TBC1D22B: variants seen among roughly 807,000 people sequenced by gnomAD.
The protein encoded by TBC1D22B is chromosome 6 open reading frame 197.
TBC1D22B carries 32 observed loss-of-function variants against 69.1 expected under a neutral mutation model. That is an observed-to-expected ratio of 0.46 (90% CI 0.35 to 0.62). The LOEUF (loss-of-function observed/expected upper bound fraction) is 0.62, where lower values mean the gene tolerates loss of function less well. TBC1D22B is among the 20% of genes least tolerant of loss of function. The probability of loss-of-function intolerance (pLI) is 0.00; values close to 1 mark genes in which losing one functional copy is unlikely to be tolerated. For synonymous variants in TBC1D22B, 206 were observed against 229.8 expected (o/e 0.90, Z 0.94); for missense variants, 462 against 630.9 (o/e 0.73, Z 2.87).
intron 8 of TBC1D22B, among the ~76,000 whole-genome samples, chr6:37,302,884 G>C (rs1282321090): frequency 1.3e-5 from 2 of 152,230 alleles, no homozygotes; most frequent in Admixed American, 6.5e-5. Context: ...AGAGGTGAGT[G>C]ATCTGGGGCT....
chr6:37,311,622 G>A (rs568484029), intron 8 of TBC1D22B, among the ~76,000 whole-genome samples: 16 of 152,080 alleles, frequency 1.1e-4, no homozygotes, highest in Admixed American at 3.9e-4. Flanking sequence ...GCAGTGAGCC[G>A]AGATCGTGCC....
At chr6:37,293,845 T>C in intron 8 of TBC1D22B, among the ~76,000 whole-genome samples, 1 of 152,210 alleles carries the variant, frequency 6.6e-6, no homozygotes. Flanking sequence ...CAAAATAGCC[T>C]TATTGCTGAT....
chr6:37,322,952 A>G (rs1190040741), intron 12 of TBC1D22B, among the ~76,000 whole-genome samples: 1 of 152,228 alleles, frequency 6.6e-6, no homozygotes, highest in Non-Finnish European at 1.5e-5. Context: ...TGTACAGAAT[A>G]AAGCAACCCA....
chr6:37,309,126 A>T (rs1767826005), intron 8 of TBC1D22B, among the ~76,000 whole-genome samples: 1 of 152,344 alleles, frequency 6.6e-6, no homozygotes, highest in South Asian at 2.1e-4. Flanking sequence ...ATCCTATGAC[A>T]CTAGTACTGA....
intron 3 of TBC1D22B, among the ~76,000 whole-genome samples, chr6:37,279,963 T>C (rs545795603): frequency 1.3e-5 from 2 of 152,376 alleles, no homozygotes; most frequent in Admixed American, 6.5e-5. Flanking sequence ...GTAACTGATG[T>C]ATTTAAAGCT....
intron 2 of TBC1D22B, among the ~76,000 whole-genome samples, chr6:37,277,046 G>A (rs1436488171): frequency 6.6e-6 from 1 of 152,094 alleles, no homozygotes; most frequent in Non-Finnish European, 1.5e-5. Context: ...AACCTGACAG[G>A]CAGCCTGGCC....
intron 1 of TBC1D22B, among the ~76,000 whole-genome samples, chr6:37,266,290 T>C (rs1766267746): frequency 6.6e-6 from 1 of 152,234 alleles, no homozygotes; most frequent in Non-Finnish European, 1.5e-5. Flanking sequence ...CCAGTGTCTT[T>C]TGTATTCTTT....
chr6:37,283,974 T>C (rs1458743717), intron 5 of TBC1D22B, among the ~76,000 whole-genome samples: 1 of 152,210 alleles, frequency 6.6e-6, no homozygotes, highest in African/African-American at 2.4e-5. Context: ...AGTATGGCCC[T>C]GGACACACAC....
rs979319823 is a variant in TBC1D22B at position 37,324,360 on chromosome 6, G to A, written c.1390-6684G>A. 30 of 456,562 alleles carry A rather than the reference G, an allele frequency of 6.6e-5. 1 individual carries two copies. The highest frequency in any genetic ancestry group is 6.1e-4 in the Admixed American group (26 of 42,546). 28.3% of individuals were successfully genotyped at this position (456,562 alleles called of 1,614,324 possible). A position where few individuals can be genotyped will look rare whatever the true frequency, so the allele number is the denominator to read the frequency against. On this transcript the variant is annotated intron_variant, in intron 12 of 12. Coordinates refer to ENST00000373491, the MANE Select transcript of TBC1D22B (RefSeq NM_017772.4). Reference sequence around the variant, plus strand: ...AAGAGGCAGAGGAAGAGGTGGCACCGATGATAAAAATCCATTCAAGAATTT... The same window carrying A: ...AAGAGGCAGAGGAAGAGGTGGCACCAATGATAAAAATCCATTCAAGAATTT...
intron 8 of TBC1D22B, among the ~76,000 whole-genome samples, chr6:37,310,979 AAC>A (rs1767892047): frequency 6.6e-6 from 1 of 152,344 alleles, no homozygotes; most frequent in South Asian, 2.1e-4. Context: ...TGCTTATATA[AAC>A]ACATAAATAT....
At chr6:37,306,529 T>C (rs951297755) in intron 8 of TBC1D22B, among the ~76,000 whole-genome samples, 2 of 152,194 alleles carry the variant, frequency 1.3e-5, no homozygotes, top group Non-Finnish European at 2.9e-5. Flanking sequence ...CCTCTTCCTT[T>C]ACTCCATAAC....
chr6:37,327,844 C>T (rs1473599354), intron 12 of TBC1D22B, among the ~76,000 whole-genome samples: 1 of 151,978 alleles, frequency 6.6e-6, no homozygotes, highest in Non-Finnish European at 1.5e-5. Flanking sequence ...TCCGGGGGTT[C>T]ACCACCATCA....
chr6:37,277,096 G>C (rs558500177), intron 2 of TBC1D22B, among the ~76,000 whole-genome samples: 1 of 152,014 alleles, frequency 6.6e-6, no homozygotes, highest in Non-Finnish European at 1.5e-5. Flanking sequence ...CCTGGTGTGC[G>C]TGTGTGTCAC....
At chr6:37,310,046 A>G (rs1007241355) in intron 8 of TBC1D22B, among the ~76,000 whole-genome samples, 3 of 147,024 alleles carry the variant, frequency 2.0e-5, no homozygotes, top group Non-Finnish European at 4.5e-5. Flanking sequence ...ATATTTACAT[A>G]ATTTTATTTT....
intron 2 of TBC1D22B, among the ~76,000 whole-genome samples, chr6:37,272,380 T>TC (rs1766515307): frequency 6.8e-6 from 1 of 147,484 alleles, no homozygotes; most frequent in Non-Finnish European, 1.5e-5. Context: ...TTTTTTTTTT[T>TC]AAACAGAGTC....
At chr6:37,267,549 A>AC (rs1766346014) in intron 1 of TBC1D22B, among the ~76,000 whole-genome samples, 1 of 142,902 alleles carries the variant, frequency 7.0e-6, no homozygotes, top group Non-Finnish European at 1.5e-5. Flanking sequence ...ATATATATAC[A>AC]CATATATATA....
intron 12 of TBC1D22B, among the ~76,000 whole-genome samples, chr6:37,324,563 T>C (rs6916893): frequency 0.032 from 4,875 of 152,238 alleles, 241 homozygotes; most frequent in African/African-American, 0.11. Flanking sequence ...GGCTAACATA[T>C]GCTTTGGATC....
intron 7 of TBC1D22B, among the ~76,000 whole-genome samples, chr6:37,287,537 A>G (rs1337699831): frequency 6.6e-6 from 1 of 152,214 alleles, no homozygotes; most frequent in Non-Finnish European, 1.5e-5. Flanking sequence ...CTCTGTATCC[A>G]TTAAATATTA....
intron 8 of TBC1D22B, among the ~76,000 whole-genome samples, chr6:37,297,560 T>C (rs1767421956): frequency 6.6e-6 from 1 of 152,222 alleles, no homozygotes; most frequent in African/African-American, 2.4e-5. Context: ...CTGTGCTCTC[T>C]ATATGACTTG....
Sources: allele counts gnomAD v4.1 joint callset (sites outside exome capture counted in the v4.1 genomes callset), GRCh38; gene constraint gnomAD v4.1.1; transcripts MANE v1.5; gene names NCBI Gene and HGNC (gene_info 2026-07-23, HGNC 2026-07-21).